The following TTC19 variants were observed in gnomAD, a reference collection of about 807,000 sequenced individuals.
TTC19 encodes the protein tetratricopeptide repeat protein 19, mitochondrial.
A neutral mutation model predicts 49.5 loss-of-function variants in TTC19; 38 were observed. The ratio of observed to expected loss-of-function variants is 0.77; its 90% CI spans 0.59 to 1.01. TTC19 has a LOEUF of 1.01. TTC19 is among the 50% of genes least tolerant of loss of function. The pLI, the probability that TTC19 is intolerant of heterozygous loss-of-function variation, is 0.00. For missense variants in TTC19, 475 were observed against 477.7 expected (o/e 0.99, Z 0.05); for synonymous variants, 204 against 185.2 (o/e 1.10, Z -0.83).
intron 7 of TTC19, among the ~76,000 whole-genome samples, 161 bp downstream of exon 7, chr17:16,006,729 T>C (rs563524587): frequency 3.3e-4 from 50 of 152,272 alleles, no homozygotes; most frequent in African/African-American, 1.1e-3. Context: ...TGGAATAAGA[T>C]GTTTTATTTA....
chr17:16,039,338 A>G, intron 2 of TTC19: 2 of 1,222,338 alleles, frequency 1.6e-6, no homozygotes, highest in Non-Finnish European at 2.3e-6. Context: ...ACATAAAGAC[A>G]TAAATGAAAT....
At chr17:16,003,514 A>G (rs1970804761) in intron 4 of TTC19, among the ~76,000 whole-genome samples, 1 of 152,052 alleles carries the variant, frequency 6.6e-6, no homozygotes, top group African/African-American at 2.4e-5. Flanking sequence ...TGTAATCAAA[A>G]AGATGGAGAA....
At chr17:16,013,195 G>A (rs1462011218) in intron 7 of TTC19, among the ~76,000 whole-genome samples, 2 of 152,062 alleles carry the variant, frequency 1.3e-5, no homozygotes, top group Non-Finnish European at 2.9e-5. Flanking sequence ...TAGAGACCCT[G>A]TCTCAAAAAA....
At chr17:16,012,295 C>T (rs766465096) in intron 7 of TTC19, among the ~76,000 whole-genome samples, 4 of 152,056 alleles carry the variant, frequency 2.6e-5, no homozygotes, top group Non-Finnish European at 5.9e-5. Flanking sequence ...TAAAGACCAG[C>T]CCTGGAAACG....
At chr17:16,010,072 G>A (rs1198504084) in intron 7 of TTC19, among the ~76,000 whole-genome samples, 1 of 150,536 alleles carries the variant, frequency 6.6e-6, no homozygotes, top group Non-Finnish European at 1.5e-5. Context: ...AGTATAAAAA[G>A]TCAAATAATA....
intron 7 of TTC19, among the ~76,000 whole-genome samples, chr17:16,015,438 T>C (rs991889896): frequency 1.8e-4 from 27 of 152,150 alleles, no homozygotes; most frequent in African/African-American, 6.5e-4. Context: ...AAAGCATATT[T>C]TACACTACTC....
downstream of TTC19, chr17:16,032,303 T>C: frequency 6.2e-7 from 1 of 1,611,798 alleles, no homozygotes; most frequent in East Asian, 2.2e-5. Context: ...AGTTCAGTCA[T>C]CACTATCCGA....
downstream of TTC19, chr17:16,029,977 G>A (rs1971789759): frequency 6.1e-6 from 1 of 163,890 alleles, no homozygotes; most frequent in South Asian, 2.0e-4. Flanking sequence ...AATAATGCAG[G>A]AGTTAGGGGC....
chr17:16,029,281 C>T lies in TTC19; in HGVS notation c.*1759C>T, dbSNP rs1971747829. 2.2e-6 allele frequency: 1 copy of T among 453,016 alleles called. No individual in the cohort carries two copies. The highest frequency in any genetic ancestry group is 1.6e-5 in the South Asian group (1 of 63,972). The allele number at this position is 453,016 out of a possible 1,614,324, so 28.1% of individuals were successfully genotyped here. On this transcript the variant is annotated 3_prime_UTR_variant, in exon 10 of 10. Coordinates refer to ENST00000261647, the MANE Select transcript of TTC19 (RefSeq NM_017775.4). ...TCTCTTCATGTGGGTGTTTTCATTACAGTTCATTTACACTGTTGTAAAATA... is the reference window on the plus strand; with the variant it reads ...TCTCTTCATGTGGGTGTTTTCATTATAGTTCATTTACACTGTTGTAAAATA...
rs1375702209 is a variant in TTC19 at position 16,028,221 on chromosome 17, C to G, written c.*699C>G. 2 of 454,110 alleles carry G rather than the reference C, an allele frequency of 4.4e-6. No individual in the cohort carries two copies. Among genetic ancestry groups the G allele is most frequent in the Non-Finnish European group, 8.8e-6 (2 of 226,792 alleles). The allele number at this position is 454,110 out of a possible 1,614,324, so 28.1% of individuals were successfully genotyped here. ...AACTAAGAATGATGTAACCTTTTGT[C>G]TGTGTTATCTGAACACTCTACTTCC... is the stretch of plus-strand genomic sequence containing the variant. On this transcript the variant is annotated 3_prime_UTR_variant, in exon 10 of 10. Coordinates refer to ENST00000261647, the MANE Select transcript of TTC19 (RefSeq NM_017775.4).
chr17:16,029,084 A>G lies in TTC19; in HGVS notation c.*1562A>G, dbSNP rs749875042. 6.0e-4 allele frequency: 271 copies of G among 452,376 alleles called. No homozygotes were observed. The highest frequency in any genetic ancestry group is 1.0e-3 in the Non-Finnish European group (231 of 226,302). 28.0% of individuals were successfully genotyped at this position (452,376 alleles called of 1,614,324 possible). A position where few individuals can be genotyped will look rare whatever the true frequency, so the allele number is the denominator to read the frequency against. ...TAACGTATGGTGATTTCTTAAAAAAATTAATGTCAACCACTCACCTTTTGC... is the reference window on the plus strand; with the variant it reads ...TAACGTATGGTGATTTCTTAAAAAAGTTAATGTCAACCACTCACCTTTTGC... On this transcript the variant is annotated 3_prime_UTR_variant, in exon 10 of 10. Coordinates refer to ENST00000261647, the MANE Select transcript of TTC19 (RefSeq NM_017775.4).
chr17:16,017,085 C>T (rs1971237941), intron 7 of TTC19, among the ~76,000 whole-genome samples: 1 of 152,162 alleles, frequency 6.6e-6, no homozygotes, highest in Admixed American at 6.6e-5. Flanking sequence ...CGAATTGTCC[C>T]TTCATCAGGA....
Position 16,025,071 on chromosome 17 carries a change from C to T in TTC19, c.731C>T (p.Ala244Val). ...TTGGGCATGTGCTTAGACGCCTGTG[C>T]TCGCTACCTTCTGTTCTCCAAGCAG... The part of the protein sequence containing the change: ...LLLGMCLDAC[A>V]RYLLFSKQPS... Residue 244 changes from alanine (A) to valine (V), a missense_variant, in exon 8 of 10, where the codon GCT (alanine) becomes GTT (valine). Physicochemically the swap from Ala to Val is moderately conservative, Grantham distance 64. Coordinates refer to ENST00000261647, the MANE Select transcript of TTC19 (RefSeq NM_017775.4). The T allele has an allele frequency of 6.2e-7, 1 of 1,613,918 alleles. No homozygotes were observed. The highest frequency in any genetic ancestry group is 1.1e-5 in the South Asian group (1 of 91,080).
At chr17:16,011,326 G>GT (rs1319256800) in intron 7 of TTC19, among the ~76,000 whole-genome samples, 1 of 152,084 alleles carries the variant, frequency 6.6e-6, no homozygotes, top group Non-Finnish European at 1.5e-5. Flanking sequence ...GATTACAGGC[G>GT]TGAGCTACCA....
intron 3 of TTC19, among the ~76,000 whole-genome samples, chr17:16,002,392 G>T (rs1025022734): frequency 1.3e-5 from 2 of 152,086 alleles, no homozygotes; most frequent in Non-Finnish European, 2.9e-5. Context: ...GGCCAGGCTG[G>T]TCTCGAACTC....
At chr17:16,023,703 T>C (rs1254426006) in intron 7 of TTC19, 1 of 152,208 alleles carries the variant, frequency 6.6e-6, no homozygotes, top group Non-Finnish European at 1.5e-5. Context: ...ACACTTTTAA[T>C]AGTTTATTTT....
rs149178668 is a variant in TTC19, at chr17:16,026,604, A to T, written c.896A>T (p.Tyr299Phe). 8.1e-6 allele frequency: 13 copies of T among 1,614,054 alleles called. No homozygotes were observed. Among genetic ancestry groups the T allele is most frequent in the Non-Finnish European group, 1.1e-5 (13 of 1,180,002 alleles). The change falls in exon 9 of 10, where the codon TAT (tyrosine) becomes TTT (phenylalanine). Residue 299 changes from tyrosine (Y) to phenylalanine (F), a missense_variant. Tyr to Phe is a conservative substitution (Grantham distance 22, BLOSUM62 3). Transcript: ENST00000261647. ...GCACAGGGCCGCTTTGATGAGGCCT[A>T]TATTTATATGCAAAGGGCATCAGAT... ...LDAQGRFDEA[Y>F]IYMQRASDLA...
At chr17:16,040,620 A>G (rs1375315524) in intron 2 of TTC19, 3 of 839,750 alleles carry the variant, frequency 3.6e-6, no homozygotes, top group Admixed American at 2.3e-5. Flanking sequence ...TTTATTTCTC[A>G]CCCATTAAGT....
chr17:16,028,363 C>A lies in TTC19; in HGVS notation c.*841C>A. The A allele has an allele frequency of 2.2e-6, 1 of 454,112 alleles. No homozygotes were observed. Among genetic ancestry groups the A allele is most frequent in the South Asian group, 1.6e-5 (1 of 64,480 alleles). The allele number at this position is 454,112 out of a possible 1,614,324, so 28.1% of individuals were successfully genotyped here. On this transcript the variant is annotated 3_prime_UTR_variant, in exon 10 of 10. Coordinates refer to ENST00000261647, the MANE Select transcript of TTC19 (RefSeq NM_017775.4). ...GTATATTTTAAAACTCTTCGTAATT[C>A]TAATGTGTACTGCTGGTATAGCTGA...
Sources: gnomAD v4.1 joint callset for allele counts (sites outside exome capture counted in the v4.1 genomes callset) on GRCh38, gnomAD v4.1.1 for gene constraint, MANE v1.5 for transcripts, NCBI Gene and HGNC (gene_info 2026-07-23, HGNC 2026-07-21) for gene names.